The following ZNF862 variants were observed in gnomAD, a reference collection of about 807,000 sequenced individuals.
ZNF862 encodes zinc finger protein 862.
A neutral mutation model predicts 91.1 loss-of-function variants in ZNF862; 64 were observed. The observed-to-expected ratio is 0.70, with a 90% CI of 0.57 to 0.87. ZNF862 has a LOEUF of 0.87. Ranked by LOEUF, ZNF862 falls within the 40% of genes least tolerant of loss-of-function variation. The pLI is 0.00. For synonymous variants in ZNF862, 631 were observed against 618.1 expected (o/e 1.02, Z -0.31); for missense variants, 1,459 against 1,528.0 (o/e 0.95, Z 0.75).
Position 149,850,029 on chromosome 7 carries a change from TA to T in ZNF862, c.940-130del. On this transcript the variant is annotated intron_variant, in intron 4 of 7. Transcript: ENST00000223210. The surrounding 1 kb of genome is among the most constrained non-coding windows in gnomAD (Gnocchi z 4.2). ...ATTCTTTGACTTTCAGTGGATAAAT[TA>T]ATTCCTCTGAGTGCATCTGGGCCTC... 1 of 897,226 alleles carries T rather than the reference TA, an allele frequency of 1.1e-6. No individual in the cohort carries two copies. The highest frequency in any genetic ancestry group is 1.7e-6 in the Non-Finnish European group (1 of 587,692). The allele number at this position is 897,226 out of a possible 1,614,324, so 55.6% of individuals were successfully genotyped here. A position where few individuals can be genotyped will look rare whatever the true frequency, so the allele number is the denominator to read the frequency against.
At chr7:149,841,048 C>T in intron 1 of ZNF862, 1 of 985,428 alleles carries the variant, frequency 1.0e-6, no homozygotes, top group Non-Finnish European at 1.2e-6. Flanking sequence ...GAAAGGTGCT[C>T]ACCCTTCCCA....
rs762697562 is a variant in ZNF862 at position 149,860,921 on chromosome 7, C to G, written c.1761C>G (p.Thr587=). ...TGCAGCTCCTCCAAAGCACGGGGAC[C>G]GTGATATTAGGCAAGTACCGCAATC... The part of the protein sequence containing the change: ...KILQLLQSTG[T]VILGKYRNRT... Residue 587 remains threonine, a synonymous_variant, in exon 7 of 8, where the codon ACC becomes ACG. Transcript: ENST00000223210. The G allele has an allele frequency of 3.1e-6, 5 of 1,613,676 alleles. No individual in the cohort carries two copies. The highest frequency in any genetic ancestry group is 2.7e-5 in the African/African-American group (2 of 74,920).
intron 3 of ZNF862, 115 bp downstream of exon 3, chr7:149,846,370 G>A (rs1801873291): frequency 1.3e-6 from 1 of 759,404 alleles, no homozygotes; most frequent in Non-Finnish European, 2.2e-6. Context: ...TGACACTGCT[G>A]TTCTCCTCCC....
At chr7:149,863,911 G>A (rs902427173) in intron 7 of ZNF862, among the ~76,000 whole-genome samples, 198 bp from the exon 8 acceptor site, 1 of 152,166 alleles carries the variant, frequency 6.6e-6, no homozygotes, top group African/African-American at 2.4e-5. Flanking sequence ...GGACAAAATC[G>A]CCCCCAGTTG....
chr7:149,846,592 CTGAATGAA>C (rs3832503), intron 3 of ZNF862, among the ~76,000 whole-genome samples: 5 of 151,716 alleles, frequency 3.3e-5, no homozygotes, highest in African/African-American at 9.7e-5. Flanking sequence ...TAGATAATCA[CTGAATGAA>C]TGAATGAATG....
chr7:149,859,555 G>A (rs1249928434), intron 6 of ZNF862, 29 bp downstream of exon 6: 35 of 1,526,410 alleles, frequency 2.3e-5, no homozygotes, highest in Non-Finnish European at 3.1e-5. Flanking sequence ...CATTCTGAAG[G>A]ACATGTGCCA....
intron 2 of ZNF862, chr7:149,845,193 C>T (rs983611067): frequency 7.9e-4 from 125 of 158,016 alleles, no homozygotes; most frequent in Non-Finnish European, 8.3e-5. Flanking sequence ...GAATTTCCAT[C>T]GTCTTAGAGA....
rs964023853 is a variant in ZNF862 at position 149,850,123 on chromosome 7, G to A, written c.940-38G>A. 66 of 1,549,774 alleles carry A rather than the reference G, an allele frequency of 4.3e-5. No homozygotes were observed. The highest frequency in any genetic ancestry group is 4.3e-4 in the Middle Eastern group (2 of 4,658). On this transcript the variant is annotated intron_variant, in intron 4 of 7. Transcript: ENST00000223210. This position sits in a 1 kb window ranked among gnomAD's most constrained non-coding sequence, Gnocchi z 4.2. ...GAAGTGTCACGTGGGAGTCTGGCTC[G>A]GCAGGCGGTGCTGAGTGGCCGCTGC...
chr7:149,848,489 G>A (rs1409640862), intron 4 of ZNF862, 57 bp downstream of exon 4: 2 of 1,324,708 alleles, frequency 1.5e-6, no homozygotes, highest in East Asian at 2.5e-5. Flanking sequence ...TACTGAGAAC[G>A]ATGTATATCC....
At position 149,861,178 on chromosome 7, in the gene ZNF862, C is replaced by T. The variant is rs1405836404; in HGVS notation, c.2018C>T (p.Thr673Ile). 5.0e-6 allele frequency: 8 copies of T among 1,612,934 alleles called. No homozygotes were observed. Among genetic ancestry groups the T allele is most frequent in the Non-Finnish European group, 6.8e-6 (8 of 1,179,806 alleles). Residue 673 changes from threonine to isoleucine, a missense_variant, in exon 7 of 8, where the codon ACC becomes ATC. Physicochemically the swap from Thr to Ile is moderately conservative, Grantham distance 89 (BLOSUM62 -1). Coordinates refer to ENST00000223210, the MANE Select transcript of ZNF862 (RefSeq NM_001099220.3). The surrounding 1 kb of genome is among the most constrained non-coding windows in gnomAD (Gnocchi z 6.7). ...GAGACAGCAGATGGGTACTTCGAGACCATCGTTTCTGCCCTGGATGAGCTG... is the reference window on the plus strand; with the variant it reads ...GAGACAGCAGATGGGTACTTCGAGATCATCGTTTCTGCCCTGGATGAGCTG... ...YSETADGYFE[T>I]IVSALDELDI...
chr7:149,863,695 G>A (rs1057413373), intron 7 of ZNF862, among the ~76,000 whole-genome samples: 5 of 152,128 alleles, frequency 3.3e-5, no homozygotes, highest in Admixed American at 2.0e-4. Flanking sequence ...ACTACGCACC[G>A]CTGCCTCCTT....
At chr7:149,856,223 T>C (rs1802260919) in intron 5 of ZNF862, 1 of 152,196 alleles carries the variant, frequency 6.6e-6, no homozygotes. Context: ...CACTTTCATA[T>C]CCTGTGGCTT....
At position 149,861,095 on chromosome 7, in the gene ZNF862, C is replaced by A; in HGVS notation, c.1935C>A (p.Arg645=). ...SEQACVGIYI[R]YFKQMEVKES... The stretch of plus-strand genomic sequence containing the variant: ...AGGCCTGCGTGGGGATTTACATCCG[C>A]TACTTCAAGCAGATGGAGGTGAAAG... The change falls in exon 7 of 8, where the codon CGC becomes CGA. Residue 645 remains arginine (R), a synonymous_variant. Coordinates refer to ENST00000223210, the MANE Select transcript of ZNF862 (RefSeq NM_001099220.3). The surrounding 1 kb of genome is among the most constrained non-coding windows in gnomAD (Gnocchi z 6.7). 3 of 1,612,952 alleles carry A rather than the reference C, an allele frequency of 1.9e-6. No individual in the cohort carries two copies. The highest frequency in any genetic ancestry group is 2.5e-6 in the Non-Finnish European group (3 of 1,179,846).
chr7:149,860,264 T>C (rs1217230767), intron 6 of ZNF862, 119 bp from the exon 7 acceptor site: 1 of 850,618 alleles, frequency 1.2e-6, no homozygotes, highest in Non-Finnish European at 1.8e-6. Context: ...AAAGAAGGAT[T>C]GCATTCATCT....
At chr7:149,842,859 C>G (rs1801753672) in intron 1 of ZNF862, among the ~76,000 whole-genome samples, 1 of 152,130 alleles carries the variant, frequency 6.6e-6, no homozygotes, top group Non-Finnish European at 1.5e-5. Flanking sequence ...CATGGTGACT[C>G]CTGTTTGACC....
At chr7:149,846,373 C>T in intron 3 of ZNF862, 118 bp downstream of exon 3, 1 of 747,720 alleles carries the variant, frequency 1.3e-6, no homozygotes, top group Non-Finnish European at 2.3e-6. Flanking sequence ...CACTGCTGTT[C>T]TCCTCCCAGG....
intron 2 of ZNF862, chr7:149,844,973 C>T (rs755246664): frequency 1.3e-5 from 6 of 476,858 alleles, no homozygotes; most frequent in Non-Finnish European, 7.6e-6. Context: ...CAGGCCTGGG[C>T]TAGACTCCTG....
At position 149,861,001 on chromosome 7, in the gene ZNF862, T is replaced by C. The variant is rs1802458675; in HGVS notation, c.1841T>C (p.Ile614Thr). 6.2e-7 allele frequency: 1 copy of C among 1,613,238 alleles called. No individual in the cohort carries two copies. ...ATCTCAGAGACCCTGAAGAGGGAGATCCTGGAGGACGTGCGGAACTCGCCC... is the reference window on the plus strand; with the variant it reads ...ATCTCAGAGACCCTGAAGAGGGAGACCCTGGAGGACGTGCGGAACTCGCCC... Reference protein sequence around the residue: ...KYISETLKREILEDVRNSPCV... With the variant: ...KYISETLKRETLEDVRNSPCV... Residue 614 changes from isoleucine to threonine, a missense_variant, in exon 7 of 8, where the codon ATC becomes ACC. Ile to Thr is a moderately conservative substitution (Grantham distance 89). Coordinates refer to ENST00000223210, the MANE Select transcript of ZNF862 (RefSeq NM_001099220.3). This position sits in a 1 kb window ranked among gnomAD's most constrained non-coding sequence, Gnocchi z 6.7.
chr7:149,867,324 G>A lies in ZNF862; in HGVS notation c.*3040G>A, dbSNP rs936258575. The A allele has an allele frequency of 7.9e-5, 12 of 152,120 alleles. No individual in the cohort carries two copies. Among genetic ancestry groups the A allele is most frequent in the Admixed American group, 5.9e-4 (9 of 15,278 alleles). The allele number at this position is 152,120 out of a possible 1,614,324, so 9.4% of individuals were successfully genotyped here. A position where few individuals can be genotyped will look rare whatever the true frequency, so the allele number is the denominator to read the frequency against. ...CTATCAGAACAGTGTGGAGGGGCGG[G>A]TCCCTCATACAGGTGTGTGCTTAGC... On this transcript the variant is annotated 3_prime_UTR_variant, in exon 8 of 8. Coordinates refer to ENST00000223210, the MANE Select transcript of ZNF862 (RefSeq NM_001099220.3).
Sources: gnomAD v4.1 joint callset for allele counts (sites outside exome capture counted in the v4.1 genomes callset) on GRCh38, gnomAD v4.1.1 for gene constraint, Gnocchi (gnomAD v3.1) non-coding constraint, MANE v1.5 for transcripts, NCBI Gene and HGNC (gene_info 2026-07-23, HGNC 2026-07-21) for gene names.